THUMPD2: variants seen among roughly 807,000 people sequenced by gnomAD.
The protein encoded by THUMPD2 is THUMP domain 2 tRNA and snRNA guanosine methyltransferase, also known as U6 snRNA (guanine-N(2))-methyltransferase THUMPD2.
THUMPD2 carries 56 observed loss-of-function variants against 49.4 expected under a neutral mutation model. That is an observed-to-expected ratio of 1.13 (90% CI 0.91 to 1.41). The LOEUF (loss-of-function observed/expected upper bound fraction) is 1.41, where lower values mean the gene tolerates loss of function less well. Among genes scored for constraint, THUMPD2 ranks in the 40% most tolerant of loss-of-function variants. The probability of loss-of-function intolerance (pLI) is 0.00; values close to 1 mark genes in which losing one functional copy is unlikely to be tolerated. For missense variants in THUMPD2, 709 were observed against 594.5 expected, an observed-to-expected ratio of 1.19 and a Z score of -2.00; for synonymous variants, 237 against 205.2, an observed-to-expected ratio of 1.15 and a Z score of -1.32.
intron 8 of THUMPD2, among the ~76,000 whole-genome samples, chr2:39,747,970 C>G (rs1322412706): frequency 6.6e-6 from 1 of 152,126 alleles, no homozygotes; most frequent in Non-Finnish European, 1.5e-5. Context: ...GAGATTCTTT[C>G]CATACCATAT....
chr2:39,741,920 A>G (rs1045841175), intron 9 of THUMPD2, among the ~76,000 whole-genome samples: 1 of 152,140 alleles, frequency 6.6e-6, no homozygotes, highest in African/African-American at 2.4e-5. Flanking sequence ...TCCCAAAAGG[A>G]TTTTCAGTGG....
Position 39,756,950 on chromosome 2 carries a change from A to AG in THUMPD2, c.892-991dup, listed in dbSNP as rs1553365571. Among the ~76,000 whole-genome samples the AG allele has an allele frequency of 6.5e-5, 7 of 106,968 alleles. No individual in the cohort carries two copies. The East Asian group carries it at 2.9e-3, about 44-fold the overall frequency. The allele number at this position is 106,968 out of a possible 152,430, so 70.2% of individuals were successfully genotyped here. ...TAATAATAATAATAAATGGTATTGG[A>AG]GAAAAAAAAAAAGAAACTGAGATTT... On this transcript the variant is annotated intron_variant, in intron 6 of 9. Transcript: ENST00000505747.
chr2:39,771,593 C>A lies in THUMPD2; in HGVS notation c.174G>T (p.Leu58Phe), dbSNP rs751266628. 1 of 1,604,248 alleles carries A rather than the reference C, an allele frequency of 6.2e-7. No individual in the cohort carries two copies. Residue 58 changes from leucine (L) to phenylalanine (F), a missense_variant, in exon 2 of 10, where the codon TTG becomes TTT. Transcript: ENST00000505747. ...CAGATTTTAATTTCTTCAACATATT[C>A]AAATCAGAACAGGTGGTGAAAAAAA... is the stretch of plus-strand genomic sequence containing the variant. ...GKVFFTTCSD[L>F]NMLKKLKSAE... is the part of the protein sequence containing the mutation.
chr2:39,761,556 G>A (rs1676827315), intron 5 of THUMPD2, 138 bp from the exon 6 acceptor site: 6 of 789,790 alleles, frequency 7.6e-6, no homozygotes, highest in African/African-American at 3.4e-5. Context: ...GTTAGACAAT[G>A]TTTCAGTCTT....
chr2:39,770,721 T>C (rs2148336567), intron 2 of THUMPD2, among the ~76,000 whole-genome samples: 1 of 152,226 alleles, frequency 6.6e-6, no homozygotes, highest in Middle Eastern at 3.4e-3. Context: ...TTCTTTAAGA[T>C]GAATGTGTGT....
At chr2:39,748,211 A>T (rs1163010039) in intron 8 of THUMPD2, among the ~76,000 whole-genome samples, 3 of 152,196 alleles carry the variant, frequency 2.0e-5, no homozygotes, top group African/African-American at 7.2e-5. Flanking sequence ...CATCAAAATT[A>T]GGCAACTTTT....
At chr2:39,754,215 A>C (rs928588448) in intron 8 of THUMPD2, among the ~76,000 whole-genome samples, 2 of 152,178 alleles carry the variant, frequency 1.3e-5, no homozygotes, top group African/African-American at 4.8e-5. Flanking sequence ...TTCTTAAAGA[A>C]ATTAGGGATC....
At chr2:39,767,644 G>A (rs1572860499) in intron 4 of THUMPD2, among the ~76,000 whole-genome samples, 1 of 142,600 alleles carries the variant, frequency 7.0e-6, no homozygotes. Context: ...GGGCAGATAA[G>A]AGAATGATAC....
intron 2 of THUMPD2, 54 bp downstream of exon 2, chr2:39,771,451 T>TG (rs1439010690): frequency 1.3e-6 from 2 of 1,515,728 alleles, no homozygotes; most frequent in African/African-American, 1.4e-5. Context: ...CAGAAAATGT[T>TG]GGAGTACAAT....
chr2:39,762,106 A>T (rs1676894925), intron 5 of THUMPD2, among the ~76,000 whole-genome samples: 2 of 152,100 alleles, frequency 1.3e-5, no homozygotes, highest in East Asian at 3.8e-4. Flanking sequence ...TGTCTTTCTA[A>T]TGCAATGAAC....
At chr2:39,778,142 A>G (rs1040374645) in intron 1 of THUMPD2, among the ~76,000 whole-genome samples, 2 of 152,210 alleles carry the variant, frequency 1.3e-5, no homozygotes, top group African/African-American at 4.8e-5. Context: ...CCTACCTTAT[A>G]GGGCTGTTGT....
chr2:39,752,706 C>A (rs962128782), intron 8 of THUMPD2, among the ~76,000 whole-genome samples: 64 of 152,200 alleles, frequency 4.2e-4, no homozygotes, highest in African/African-American at 1.5e-3. Context: ...AAACAACTCA[C>A]AGAAGAATCA....
At chr2:39,763,182 T>C (rs1360960561) in intron 5 of THUMPD2, among the ~76,000 whole-genome samples, 2 of 152,042 alleles carry the variant, frequency 1.3e-5, no homozygotes, top group Non-Finnish European at 2.9e-5. Flanking sequence ...TTTTTTTTTC[T>C]CTTGTACACC....
At position 39,770,130 on chromosome 2, in the gene THUMPD2, A is replaced by C. The variant is rs750067343; in HGVS notation, c.263-11T>G. 13 of 1,457,148 alleles carry C rather than the reference A, an allele frequency of 8.9e-6. No individual in the cohort carries two copies. The highest frequency in any genetic ancestry group is 1.2e-5 in the Non-Finnish European group (13 of 1,110,446). 90.3% of individuals were successfully genotyped at this position (1,457,148 alleles called of 1,614,324 possible). On this transcript the variant is annotated splice_polypyrimidine_tract_variant and intron_variant, in intron 2 of 9. Transcript: ENST00000505747. ...CATTAAATATTTTTCCTAAATAAGA[A>C]AAATCTTGTTGATCCTCTATTGAAG... is the stretch of plus-strand genomic sequence containing the variant.
chr2:39,747,368 A>G (rs745859138), intron 8 of THUMPD2, among the ~76,000 whole-genome samples: 4 of 152,132 alleles, frequency 2.6e-5, no homozygotes, highest in Non-Finnish European at 5.9e-5. Flanking sequence ...TAAGTACAAG[A>G]GGGCGTAAAG....
chr2:39,779,205 G>T lies in THUMPD2; in HGVS notation c.35C>A (p.Pro12His). 6.6e-7 allele frequency: 1 copy of T among 1,511,150 alleles called. No homozygotes were observed. The highest frequency in any genetic ancestry group is 8.8e-7 in the Non-Finnish European group (1 of 1,135,536). 93.6% of individuals were successfully genotyped at this position (1,511,150 alleles called of 1,614,324 possible). The change falls in exon 1 of 10, where the codon CCT becomes CAT. Residue 12 changes from proline (P) to histidine (H), a missense_variant. Physicochemically the swap from Pro to His is moderately conservative, Grantham distance 77. Transcript: ENST00000505747. Reference protein sequence around the residue: ...SEARGEPGSGPEAGARFFCTA... With the variant: ...SEARGEPGSGHEAGARFFCTA... ...GCAGAAGAATCGGGCGCCAGCCTCA[G>T]GCCCGGACCCTGGCTCTCCACGCGC...
At chr2:39,745,381 TAGA>T (rs1234640600) in intron 8 of THUMPD2, among the ~76,000 whole-genome samples, 3 of 152,180 alleles carry the variant, frequency 2.0e-5, no homozygotes, top group Admixed American at 6.5e-5. Flanking sequence ...GTGGGGTTAA[TAGA>T]AGAAGAGTAG....
chr2:39,758,082 A>C (rs150405257), intron 6 of THUMPD2, among the ~76,000 whole-genome samples: 1 of 152,316 alleles, frequency 6.6e-6, no homozygotes, highest in African/African-American at 2.4e-5. Context: ...TTTATCAAGC[A>C]TTATCTTTGT....
At chr2:39,776,245 T>C (rs138460616) in intron 1 of THUMPD2, among the ~76,000 whole-genome samples, 1 of 152,144 alleles carries the variant, frequency 6.6e-6, no homozygotes, top group African/African-American at 2.4e-5. Flanking sequence ...CAGGGACTTA[T>C]GAAGAAATTT....
Sources: allele counts gnomAD v4.1 joint callset (sites outside exome capture counted in the v4.1 genomes callset), GRCh38; gene constraint gnomAD v4.1.1; transcripts MANE v1.5; gene names NCBI Gene and HGNC (gene_info 2026-07-23, HGNC 2026-07-21).